SAXO1: variants seen among roughly 807,000 people sequenced by gnomAD.
SAXO1 encodes stabilizer of axonemal microtubules 1.
In SAXO1, 21 loss-of-function variants were observed where a neutral mutation model predicts 17.5. That is an observed-to-expected ratio of 1.20 (90% CI 0.85 to 1.72). SAXO1 has a LOEUF of 1.72. SAXO1 is among the 40% of genes most tolerant of loss of function. The pLI is 0.00. For missense variants in SAXO1, 843 were observed against 596.0 expected (o/e 1.41, Z -4.32); for synonymous variants, 274 against 216.5 (o/e 1.27, Z -2.33).
In SAXO1 at chr9:18,938,821, C is replaced by T. The variant is rs7467637; in HGVS notation, c.421+2816G>A. Among the ~76,000 whole-genome samples, 93 of 78,584 alleles carry T rather than the reference C, an allele frequency of 1.2e-3. 1 individual carries two copies. The highest frequency in any genetic ancestry group is 0.015 in the Middle Eastern group (2 of 134). The allele number at this position is 78,584 out of a possible 152,430, so 51.6% of individuals were successfully genotyped here. Reference sequence around the variant, plus strand: ...GTGTGGTGGGGTGCATGCGTGCGTGCGTGTGTGTGTGTGTGTGTGTGTGTG... The same window carrying T: ...GTGTGGTGGGGTGCATGCGTGCGTGTGTGTGTGTGTGTGTGTGTGTGTGTG... On this transcript the variant is annotated intron_variant, in intron 3 of 3. Transcript: ENST00000380534.
chr9:18,986,620 A>AG (rs968533317), intron 1 of SAXO1, among the ~76,000 whole-genome samples: 10 of 133,340 alleles, frequency 7.5e-5, no homozygotes, highest in African/African-American at 1.8e-4. Context: ...GAAAAAAAAA[A>AG]GGGGGGGCGG....
At chr9:19,024,978 T>C (rs950902583) in intron 1 of SAXO1, among the ~76,000 whole-genome samples, 1 of 152,236 alleles carries the variant, frequency 6.6e-6, no homozygotes, top group Non-Finnish European at 1.5e-5. Context: ...TCATGTTTAC[T>C]GCTGTAATTG....
At chr9:18,951,728 T>A (rs940178673) in intron 1 of SAXO1, among the ~76,000 whole-genome samples, 1 of 152,216 alleles carries the variant, frequency 6.6e-6, no homozygotes, top group Middle Eastern at 3.2e-3. Context: ...CAAGTTTGTT[T>A]ATTGTCTGTC....
At chr9:18,961,499 C>G (rs1295973213) in intron 1 of SAXO1, among the ~76,000 whole-genome samples, 1 of 152,082 alleles carries the variant, frequency 6.6e-6, no homozygotes, top group Non-Finnish European at 1.5e-5. Context: ...GCCCCCACCC[C>G]TCAACAGACC....
intron 1 of SAXO1, among the ~76,000 whole-genome samples, chr9:18,960,225 G>A (rs554723301): frequency 6.6e-5 from 10 of 152,250 alleles, no homozygotes; most frequent in South Asian, 2.1e-4. Context: ...TCCCTGGGAC[G>A]CGTGGGGTAG....
intron 1 of SAXO1, among the ~76,000 whole-genome samples, chr9:18,987,622 G>C (rs1210384003): frequency 6.6e-6 from 1 of 152,140 alleles, no homozygotes; most frequent in Admixed American, 6.5e-5. Context: ...CCTTGGGCCT[G>C]GTATGGTAGC....
chr9:18,976,031 T>C (rs1833136787), intron 1 of SAXO1, among the ~76,000 whole-genome samples: 1 of 152,212 alleles, frequency 6.6e-6, no homozygotes, highest in Non-Finnish European at 1.5e-5. Flanking sequence ...TGAAAAATTA[T>C]CATCGAAAGG....
intron 2 of SAXO1, among the ~76,000 whole-genome samples, chr9:18,948,143 C>A (rs1439022187): frequency 6.6e-6 from 1 of 152,214 alleles, no homozygotes; most frequent in Non-Finnish European, 1.5e-5. Context: ...TGACGCATCC[C>A]TTCCCCTGTA....
intron 1 of SAXO1, among the ~76,000 whole-genome samples, chr9:18,968,597 TG>T (rs1404586780): frequency 3.2e-5 from 2 of 63,224 alleles, no homozygotes; most frequent in African/African-American, 1.3e-4. Context: ...TCCCCCTTTT[TG>T]TTTTTTTTTT....
intron 1 of SAXO1, among the ~76,000 whole-genome samples, chr9:19,025,387 G>T (rs10123624): frequency 0.49 from 73,734 of 151,758 alleles, 19,787 homozygotes; most frequent in African/African-American, 0.73. Context: ...TCCTCTTAAT[G>T]TGTAACAGAG....
At position 19,017,736 on chromosome 9, in the gene SAXO1, T is replaced by A. The variant is rs145831525; in HGVS notation, c.38+15135A>T. ...CCAGGAGCTTTCCCTGGTCCATCAT[T>A]TAAAAATATCCATGCCTATCTCCTA... On this transcript the variant is annotated intron_variant, in intron 1 of 3. Transcript: ENST00000380534. Among the ~76,000 whole-genome samples the A allele has an allele frequency of 1.4e-3, 219 of 152,334 alleles. 2 individuals are homozygous for A. In the South Asian group the frequency reaches 0.018, roughly 12 times the overall value.
intron 1 of SAXO1, among the ~76,000 whole-genome samples, chr9:19,026,352 C>T (rs7028384): frequency 0.29 from 44,271 of 151,968 alleles, 7,403 homozygotes; most frequent in African/African-American, 0.47. Flanking sequence ...ATTGATTGAC[C>T]TAAATTGTGC....
chr9:18,954,125 G>A (rs1462832824), intron 1 of SAXO1, among the ~76,000 whole-genome samples: 1 of 152,054 alleles, frequency 6.6e-6, no homozygotes, highest in Non-Finnish European at 1.5e-5. Flanking sequence ...GAGAGAGGAG[G>A]TTTCTTTAGC....
intron 1 of SAXO1, chr9:19,027,326 G>A (rs183532014): frequency 5.0e-6 from 4 of 800,200 alleles, no homozygotes; most frequent in Non-Finnish European, 9.1e-6. Flanking sequence ...ATCCAATCCT[G>A]GAGACACTGC....
Position 18,928,354 on chromosome 9 carries a change from G to A in SAXO1, c.1123C>T (p.Arg375Trp), listed in dbSNP as rs200087979. Residue 375 changes from arginine (R) to tryptophan (W), a missense_variant, in exon 4 of 4, where the codon CGG becomes TGG. Transcript: ENST00000380534. ...GGCAGGTGGGGCACATAGTGGGCCC[G>A]AGTGGTGGTCAGGCAGTCCAGGGGC... ...TEPLDCLTTTRAHYVPHLPIN... is the reference protein window; with the variant it reads ...TEPLDCLTTTWAHYVPHLPIN... The A allele has an allele frequency of 3.8e-5, 61 of 1,613,348 alleles. 1 individual carries two copies. In the South Asian group the frequency reaches 5.4e-4, roughly 14 times the overall value.
chr9:19,003,454 G>A (rs1301639846), intron 1 of SAXO1, among the ~76,000 whole-genome samples: 1 of 152,134 alleles, frequency 6.6e-6, no homozygotes, highest in African/African-American at 2.4e-5. Context: ...TAAGCAAAAA[G>A]AACAAAGCTG....
At chr9:18,973,938 A>G (rs1013633771) in intron 1 of SAXO1, among the ~76,000 whole-genome samples, 1 of 152,226 alleles carries the variant, frequency 6.6e-6, no homozygotes, top group South Asian at 2.1e-4. Flanking sequence ...TAATAATTAG[A>G]AAGAAAAATA....
At chr9:18,971,140 C>T (rs950233650) in intron 1 of SAXO1, among the ~76,000 whole-genome samples, 1 of 152,168 alleles carries the variant, frequency 6.6e-6, no homozygotes, top group African/African-American at 2.4e-5. Context: ...GTGATTTTGC[C>T]CCGAGTGGGG....
rs61199272 is a variant in SAXO1 at position 18,974,835 on chromosome 9, G to A, written c.39-23898C>T. On this transcript the variant is annotated intron_variant, in intron 1 of 3. Coordinates refer to ENST00000380534, the MANE Select transcript of SAXO1 (RefSeq NM_153707.4). ...CATGGTGGTGACAGTGGTAGATTCAGGTGGATTCATTCAACCATGGATGGA... is the reference window on the plus strand; with the variant it reads ...CATGGTGGTGACAGTGGTAGATTCAAGTGGATTCATTCAACCATGGATGGA... 3.6e-3 allele frequency among the ~76,000 whole-genome samples: 547 copies of A among 152,300 alleles called. 2 individuals carry two copies. Among genetic ancestry groups the A allele is most frequent in the African/African-American group, 0.013 (528 of 41,562 alleles).
Sources: gnomAD v4.1 joint callset for allele counts (sites outside exome capture counted in the v4.1 genomes callset) on GRCh38, gnomAD v4.1.1 for gene constraint, MANE v1.5 for transcripts, NCBI Gene and HGNC (gene_info 2026-07-23, HGNC 2026-07-21) for gene names.